The following PSMF1 variants were observed in gnomAD, a reference collection of about 807,000 sequenced individuals.
PSMF1 encodes proteasome inhibitor PI31 subunit.
In PSMF1, 30 loss-of-function variants were observed where a neutral mutation model predicts 29.3. That is an observed-to-expected ratio of 1.02 (90% CI 0.77 to 1.39). PSMF1 has a LOEUF of 1.39. PSMF1 is among the 40% of genes most tolerant of loss of function. The pLI is 0.00. For missense variants in PSMF1, 344 were observed against 357.5 expected, an observed-to-expected ratio of 0.96 and a Z score of 0.31; for synonymous variants, 134 against 139.7, an observed-to-expected ratio of 0.96 and a Z score of 0.29.
chr20:1,147,072 C>T (rs968689484), intron 4 of PSMF1, among the ~76,000 whole-genome samples: 6 of 152,056 alleles, frequency 3.9e-5, no homozygotes, highest in Non-Finnish European at 8.8e-5. Flanking sequence ...AGTGTCAGCC[C>T]AGAGCGGGTG....
chr20:1,147,780 C>G (rs1417334364), intron 4 of PSMF1, among the ~76,000 whole-genome samples: 1 of 152,144 alleles, frequency 6.6e-6, no homozygotes, highest in Non-Finnish European at 1.5e-5. Context: ...TTTACTATAG[C>G]TCCCATCACC....
intron 3 of PSMF1, among the ~76,000 whole-genome samples, chr20:1,128,872 G>A (rs1055160604): frequency 6.6e-6 from 1 of 151,392 alleles, no homozygotes; most frequent in African/African-American, 2.4e-5. Context: ...GCTAATTTTT[G>A]CGTTTTTTTG....
At chr20:1,139,313 C>T (rs894397300) in intron 4 of PSMF1, among the ~76,000 whole-genome samples, 29 of 152,100 alleles carry the variant, frequency 1.9e-4, no homozygotes, top group Admixed American at 1.4e-3. Context: ...TCTTAAGATC[C>T]GGAACAAGGC....
chr20:1,163,640 C>T lies in PSMF1; in HGVS notation c.605+457C>T, dbSNP rs1042566754. Among the ~76,000 whole-genome samples the T allele has an allele frequency of 6.6e-6, 1 of 152,214 alleles. No individual in the cohort carries two copies. The highest frequency in any genetic ancestry group is 1.5e-5 in the Non-Finnish European group (1 of 68,036). ...TGAATGATTCCAAATAGATTTTAAC[C>T]TCTGCTACAAAGTGACCCCGACTTC... On this transcript the variant is annotated intron_variant, in intron 5 of 6. Coordinates refer to ENST00000335877, the MANE Select transcript of PSMF1 (RefSeq NM_006814.5). The surrounding 1 kb of genome is among the most constrained non-coding windows in gnomAD (Gnocchi z 6.1).
chr20:1,127,455 G>A lies in PSMF1; in HGVS notation c.312G>A (p.Leu104=), dbSNP rs776798611. The A allele has an allele frequency of 3.7e-6, 6 of 1,608,600 alleles. No homozygotes were observed. Among genetic ancestry groups the A allele is most frequent in the Admixed American group, 1.7e-5 (1 of 60,002 alleles). Residue 104 remains leucine (L), a synonymous_variant, in exon 3 of 7, where the codon TTG becomes TTA. Transcript: ENST00000335877. ...LEYGSQQVAD[L]TLNLDDYIDA... ...ATGGCTCACAGCAAGTGGCAGACTT[G>A]ACCCTGAACTTGGATGATTATATCG...
chr20:1,122,871 T>C (rs2086107624), intron 1 of PSMF1, among the ~76,000 whole-genome samples: 1 of 152,180 alleles, frequency 6.6e-6, no homozygotes, highest in Non-Finnish European at 1.5e-5. Flanking sequence ...GCAGACCAAA[T>C]TGTTTATATT....
upstream of PSMF1, among the ~76,000 whole-genome samples, chr20:1,113,937 C>A (rs1449358228): frequency 6.6e-6 from 1 of 152,072 alleles, no homozygotes; most frequent in African/African-American, 2.4e-5. Flanking sequence ...GTGATCCGCC[C>A]GCCTCAGCCT....
At chr20:1,146,134 A>G (rs1244013596) in intron 4 of PSMF1, among the ~76,000 whole-genome samples, 1 of 152,094 alleles carries the variant, frequency 6.6e-6, no homozygotes, top group Non-Finnish European at 1.5e-5. Flanking sequence ...AGTTAGAGAG[A>G]TAATTGCTGT....
intron 4 of PSMF1, among the ~76,000 whole-genome samples, chr20:1,141,803 A>G (rs569667811): frequency 1.3e-5 from 2 of 152,250 alleles, no homozygotes; most frequent in African/African-American, 4.8e-5. Flanking sequence ...AATAATAAAA[A>G]TAAGTTTGAC....
intron 4 of PSMF1, among the ~76,000 whole-genome samples, chr20:1,141,026 T>C (rs1032048556): frequency 2.0e-4 from 30 of 152,246 alleles, no homozygotes; most frequent in African/African-American, 6.5e-4. Flanking sequence ...GGATTTGTTA[T>C]AATGTGGATG....
Position 1,163,288 on chromosome 20 carries a change from G to T in PSMF1, c.605+105G>T. On this transcript the variant is annotated intron_variant, in intron 5 of 6. Coordinates refer to ENST00000335877, the MANE Select transcript of PSMF1 (RefSeq NM_006814.5). The surrounding 1 kb of genome is among the most constrained non-coding windows in gnomAD (Gnocchi z 6.1). The stretch of plus-strand genomic sequence containing the variant: ...GTTTTCGGTCAGTCTCTTCCTTTGG[G>T]GTGGAGGAGGCAGTTGTTGCTGAGC... 7.7e-7 allele frequency: 1 copy of T among 1,290,774 alleles called. No individual in the cohort carries two copies. The highest frequency in any genetic ancestry group is 1.3e-5 in the South Asian group (1 of 78,584). The allele number at this position is 1,290,774 out of a possible 1,614,324, so 80.0% of individuals were successfully genotyped here.
exon 1 of PSMF1, chr20:1,113,288 G>T (rs893385365): frequency 6.6e-6 from 1 of 152,074 alleles, no homozygotes; most frequent in Non-Finnish European, 1.5e-5. Flanking sequence ...ATCATCCTGG[G>T]CCCTCACCTC....
At chr20:1,136,858 T>A (rs546721359) in intron 4 of PSMF1, among the ~76,000 whole-genome samples, 1 of 152,368 alleles carries the variant, frequency 6.6e-6, no homozygotes, top group African/African-American at 2.4e-5. Context: ...GATTGAATAT[T>A]GTTTCTTCAG....
intron 4 of PSMF1, among the ~76,000 whole-genome samples, chr20:1,145,338 C>T (rs1300378540): frequency 6.6e-6 from 1 of 152,152 alleles, no homozygotes; most frequent in Non-Finnish European, 1.5e-5. Flanking sequence ...CCAGTGAGGC[C>T]TTTTGTCCTG....
intron 3 of PSMF1, among the ~76,000 whole-genome samples, chr20:1,131,793 T>C (rs2122494244): frequency 6.6e-6 from 1 of 152,322 alleles, no homozygotes; most frequent in Non-Finnish European, 1.5e-5. Flanking sequence ...ACAACCAAAA[T>C]GGCAGTTGTT....
rs2086751077 is a variant in PSMF1, at chr20:1,167,931, A to T, written c.*2851A>T. On this transcript the variant is annotated 3_prime_UTR_variant, in exon 7 of 7. Transcript: ENST00000335877. ...GAATTGTCAGACTGTTTTCCACGGAAGCTGCACCATTTTACATTTCCACTG... is the reference window on the plus strand; with the variant it reads ...GAATTGTCAGACTGTTTTCCACGGATGCTGCACCATTTTACATTTCCACTG... The T allele has an allele frequency of 6.6e-6, 1 of 152,228 alleles. No individual in the cohort carries two copies. Among genetic ancestry groups the T allele is most frequent in the African/African-American group, 2.4e-5 (1 of 41,450 alleles). 9.4% of individuals were successfully genotyped at this position (152,228 alleles called of 1,614,324 possible). A position where few individuals can be genotyped will look rare whatever the true frequency, so the allele number is the denominator to read the frequency against.
At chr20:1,160,648 C>T in intron 4 of PSMF1, 1 of 509,712 alleles carries the variant, frequency 2.0e-6, no homozygotes, top group Non-Finnish European at 4.0e-6. Flanking sequence ...GCTGGTTTTG[C>T]TGGGGACGAC....
Position 1,125,567 on chromosome 20 carries a change from C to T in PSMF1, c.199C>T (p.Leu67Phe), listed in dbSNP as rs1200150247. Residue 67 changes from leucine to phenylalanine, a missense_variant, in exon 2 of 7, where the codon CTC becomes TTC. Physicochemically the swap from Leu to Phe is conservative, Grantham distance 22. Coordinates refer to ENST00000335877, the MANE Select transcript of PSMF1 (RefSeq NM_006814.5). ...GAACAACAATAAAGACCTGTATGTC[C>T]TCCGGTATGAGTATAAGGATGGGTC... ...GWNNNKDLYV[L>F]RYEYKDGSRK... 1 of 1,614,074 alleles carries T rather than the reference C, an allele frequency of 6.2e-7. No homozygotes were observed. The highest frequency in any genetic ancestry group is 8.5e-7 in the Non-Finnish European group (1 of 1,179,986).
At chr20:1,132,278 CTTTG>C (rs1212455461) in intron 3 of PSMF1, among the ~76,000 whole-genome samples, 2 of 94,116 alleles carry the variant, frequency 2.1e-5, no homozygotes, top group Non-Finnish European at 4.6e-5. Context: ...TTTTTTTTTT[CTTTG>C]TTTGAGACAG....
Sources: allele counts gnomAD v4.1 joint callset (sites outside exome capture counted in the v4.1 genomes callset), GRCh38; gene constraint gnomAD v4.1.1; non-coding constraint Gnocchi (gnomAD v3.1); transcripts MANE v1.5; gene names NCBI Gene and HGNC (gene_info 2026-07-23, HGNC 2026-07-21).